ADAMTSL1: variants seen among roughly 807,000 people sequenced by gnomAD.
The protein encoded by ADAMTSL1 is ADAMTS like 1, also known as ADAMTS-like protein 1.
In ADAMTSL1, 126 loss-of-function variants were observed where a neutral mutation model predicts 201.8. That is an observed-to-expected ratio of 0.62 (90% CI 0.54 to 0.72). The LOEUF (loss-of-function observed/expected upper bound fraction) is 0.72. ADAMTSL1 is among the 30% of genes least tolerant of loss of function. The pLI is 0.00. For synonymous variants in ADAMTSL1, 1,121 were observed against 903.4 expected (o/e 1.24, Z -4.32); for missense variants, 2,679 against 2,277.8 (o/e 1.18, Z -3.59).
chr9:18,307,555 A>T (rs147152436), intron 2 of ADAMTSL1, among the ~76,000 whole-genome samples: 2,703 of 152,280 alleles, frequency 0.018, 71 homozygotes, highest in African/African-American at 0.062. Context: ...CTATTCTCTC[A>T]TAAAACAGAC....
chr9:18,395,613 C>T (rs995114094), intron 2 of ADAMTSL1, among the ~76,000 whole-genome samples: 24 of 152,244 alleles, frequency 1.6e-4, no homozygotes, highest in East Asian at 9.7e-4. Context: ...AGAATCTGTT[C>T]TGGAGCTTCT....
chr9:18,706,687 C>A (rs1832251829), intron 13 of ADAMTSL1, 60 bp from the exon 14 acceptor site: 1 of 1,493,988 alleles, frequency 6.7e-7, no homozygotes, highest in South Asian at 1.4e-5. Flanking sequence ...CCCTCACAGC[C>A]CCCATGGCTT....
chr9:18,406,804 T>A (rs1818226631), intron 2 of ADAMTSL1, among the ~76,000 whole-genome samples: 2 of 152,222 alleles, frequency 1.3e-5, no homozygotes, highest in South Asian at 4.1e-4. Flanking sequence ...GGATACAGAA[T>A]GAAGATTTGG....
Position 18,753,519 on chromosome 9 carries a change from A to G in ADAMTSL1, c.2217+11A>G. On this transcript the variant is annotated intron_variant, in intron 16 of 28. Coordinates refer to ENST00000380548, the MANE Select transcript of ADAMTSL1 (RefSeq NM_001040272.6). ...GCACAGTGGCAGCCGGTGAGTTCTG[A>G]AGTTACTCAATATTGGAGCTTTTGT... 6.2e-7 allele frequency: 1 copy of G among 1,604,744 alleles called. No individual in the cohort carries two copies. Among genetic ancestry groups the G allele is most frequent in the Non-Finnish European group, 8.5e-7 (1 of 1,177,124 alleles).
At chr9:18,467,705 A>G (rs1821059213) in intron 2 of ADAMTSL1, among the ~76,000 whole-genome samples, 2 of 152,212 alleles carry the variant, frequency 1.3e-5, no homozygotes, top group Non-Finnish European at 2.9e-5. Context: ...TGCAGAAGGG[A>G]CAGGATGAAC....
intron 1 of ADAMTSL1, among the ~76,000 whole-genome samples, chr9:18,017,784 C>T (rs1177757467): frequency 1.3e-5 from 2 of 151,948 alleles, no homozygotes; most frequent in African/African-American, 4.8e-5. Context: ...TGTTTCTTTC[C>T]CTGCCGCCAT....
intron 4 of ADAMTSL1, among the ~76,000 whole-genome samples, chr9:18,604,397 CT>C (rs1206909415): frequency 2.0e-5 from 3 of 152,178 alleles, no homozygotes; most frequent in Non-Finnish European, 4.4e-5. Flanking sequence ...GAAGAGGAAA[CT>C]TTCACTTTCT....
At chr9:18,402,567 G>A (rs549575464) in intron 2 of ADAMTSL1, among the ~76,000 whole-genome samples, 2 of 152,182 alleles carry the variant, frequency 1.3e-5, no homozygotes, top group South Asian at 4.2e-4. Context: ...GGGCTCCTAG[G>A]GTGAAGTCCA....
intron 2 of ADAMTSL1, among the ~76,000 whole-genome samples, chr9:18,374,799 C>T (rs1428274962): frequency 6.6e-6 from 1 of 152,164 alleles, no homozygotes; most frequent in Non-Finnish European, 1.5e-5. Flanking sequence ...ATTAGATGCA[C>T]TAAAGAAGAA....
chr9:18,713,264 G>A (rs1249944300), intron 14 of ADAMTSL1, among the ~76,000 whole-genome samples: 2 of 151,882 alleles, frequency 1.3e-5, no homozygotes, highest in East Asian at 1.9e-4. Context: ...AACTTTAAAT[G>A]TCAATGGACT....
chr9:18,028,915 T>C (rs1820813913), intron 1 of ADAMTSL1, among the ~76,000 whole-genome samples: 1 of 152,216 alleles, frequency 6.6e-6, no homozygotes. Context: ...CTTCCATTTG[T>C]TTGTGTCGTC....
At chr9:18,097,151 C>G (rs1386237819) in intron 1 of ADAMTSL1, among the ~76,000 whole-genome samples, 2 of 152,204 alleles carry the variant, frequency 1.3e-5, no homozygotes, top group Non-Finnish European at 2.9e-5. Context: ...CTAGATTAAT[C>G]TCTTCTAGAG....
chr9:18,166,216 T>A (rs542190070), intron 2 of ADAMTSL1, among the ~76,000 whole-genome samples: 95 of 152,080 alleles, frequency 6.2e-4, no homozygotes, highest in African/African-American at 2.2e-3. Context: ...AGGACCTCTG[T>A]TGATTCTCAG....
chr9:17,945,716 A>G (rs1445829565), intron 1 of ADAMTSL1, among the ~76,000 whole-genome samples: 2 of 151,696 alleles, frequency 1.3e-5, no homozygotes, highest in African/African-American at 4.8e-5. Flanking sequence ...TATCGCAAGA[A>G]CAAAAAACCA....
intron 2 of ADAMTSL1, among the ~76,000 whole-genome samples, chr9:18,463,822 G>A (rs1285055037): frequency 3.3e-5 from 5 of 152,128 alleles, no homozygotes; most frequent in Non-Finnish European, 7.3e-5. Context: ...ATGAACATGG[G>A]CGTACAAATA....
At chr9:18,734,396 C>G (rs1818392559) in intron 15 of ADAMTSL1, among the ~76,000 whole-genome samples, 1 of 152,122 alleles carries the variant, frequency 6.6e-6, no homozygotes, top group African/African-American at 2.4e-5. Context: ...CCAAGAATGC[C>G]CAGCCTTCAT....
chr9:18,434,022 T>C lies in ADAMTSL1; in HGVS notation c.208-70807T>C, dbSNP rs140470342. Among the ~76,000 whole-genome samples, 216 of 152,328 alleles carry C rather than the reference T, an allele frequency of 1.4e-3. 1 individual carries two copies. Among genetic ancestry groups the C allele is most frequent in the Middle Eastern group, 3.4e-3 (1 of 294 alleles). ...AGGTAGGTTATCATAACAAATCATC[T>C]AGCCAGGAGATGCTGAACTTTTATG... is the stretch of plus-strand genomic sequence containing the variant. On this transcript the variant is annotated intron_variant, in intron 2 of 29. Coordinates refer to the ADAMTSL1 transcript ENST00000680146.
At chr9:18,261,115 T>G in intron 2 of ADAMTSL1, among the ~76,000 whole-genome samples, 1 of 150,214 alleles carries the variant, frequency 6.7e-6, no homozygotes, top group South Asian at 2.1e-4. Flanking sequence ...AGACCTGCTG[T>G]TTGACTAGAA....
chr9:18,515,034 G>A (rs1026012421), intron 2 of ADAMTSL1, among the ~76,000 whole-genome samples: 2 of 152,130 alleles, frequency 1.3e-5, no homozygotes, highest in African/African-American at 4.8e-5. Flanking sequence ...TGATCATGTG[G>A]TTTTTATTCC....
Sources: allele counts gnomAD v4.1 joint callset (sites outside exome capture counted in the v4.1 genomes callset), GRCh38; gene constraint gnomAD v4.1.1; transcripts MANE v1.5; gene names NCBI Gene and HGNC (gene_info 2026-07-23, HGNC 2026-07-21).